Variants in DLG2 observed in about 807,000 individuals in gnomAD.
DLG2 encodes discs large MAGUK scaffold protein 2, also known as disks large homolog 2.
A neutral mutation model predicts 132.5 loss-of-function variants in DLG2; 45 were observed. The ratio of observed to expected loss-of-function variants is 0.34; its 90% confidence interval spans 0.27 to 0.44. The LOEUF (loss-of-function observed/expected upper bound fraction) is 0.44. Among genes scored for constraint, DLG2 ranks in the 20% least tolerant of loss-of-function variants. The probability of loss-of-function intolerance (pLI) is 1.00; values close to 1 mark genes in which losing one functional copy is unlikely to be tolerated. For synonymous variants in DLG2, 424 were observed against 419.6 expected (o/e 1.01, Z -0.13); for missense variants, 1,045 against 1,196.9 (o/e 0.87, Z 1.87).
chr11:84,999,222 T>A (rs920997353), intron 6 of DLG2, among the ~76,000 whole-genome samples: 11 of 152,114 alleles, frequency 7.2e-5, no homozygotes, highest in African/African-American at 2.7e-4. Flanking sequence ...TGAAAGGGCA[T>A]CCTACATTAC....
At chr11:84,608,418 A>G (rs2099589581) in intron 6 of DLG2, among the ~76,000 whole-genome samples, 1 of 152,166 alleles carries the variant, frequency 6.6e-6, no homozygotes, top group South Asian at 2.1e-4. Context: ...CTCTTCACAC[A>G]CTTATCTGCT....
chr11:83,727,062 T>A (rs911620701), intron 18 of DLG2, among the ~76,000 whole-genome samples: 23 of 152,190 alleles, frequency 1.5e-4, no homozygotes, highest in African/African-American at 5.3e-4. Flanking sequence ...GACTCTCCAA[T>A]TCCTCTGCTC....
intron 6 of DLG2, among the ~76,000 whole-genome samples, chr11:84,637,323 C>T (rs1355696515): frequency 2.0e-5 from 3 of 152,174 alleles, no homozygotes; most frequent in East Asian, 1.9e-4. Flanking sequence ...ACCCACCACA[C>T]GATGTGTATC....
chr11:83,675,982 G>T (rs556902111), intron 18 of DLG2, among the ~76,000 whole-genome samples: 2 of 152,284 alleles, frequency 1.3e-5, no homozygotes, highest in East Asian at 3.9e-4. Flanking sequence ...CATTTCACAA[G>T]TTATAGATGG....
At chr11:84,963,486 C>A (rs561007395) in intron 6 of DLG2, among the ~76,000 whole-genome samples, 9 of 152,242 alleles carry the variant, frequency 5.9e-5, no homozygotes, top group African/African-American at 2.2e-4. Context: ...AACTCTGATA[C>A]CATTATTCAT....
intron 7 of DLG2, among the ~76,000 whole-genome samples, chr11:84,516,565 G>GTA (rs1302907416): frequency 6.6e-6 from 1 of 151,484 alleles, no homozygotes; most frequent in Non-Finnish European, 1.5e-5. Flanking sequence ...GATTGAATCA[G>GTA]TATAAAGTCT....
chr11:84,304,176 C>A (rs141312024), intron 7 of DLG2, among the ~76,000 whole-genome samples: 1 of 152,044 alleles, frequency 6.6e-6, no homozygotes, highest in Non-Finnish European at 1.5e-5. Flanking sequence ...TAAGTCTTGG[C>A]CCCAAATCAT....
chr11:84,456,181 T>G (rs2099064885), intron 7 of DLG2, among the ~76,000 whole-genome samples: 1 of 151,252 alleles, frequency 6.6e-6, no homozygotes, highest in Non-Finnish European at 1.5e-5. Flanking sequence ...GGACCAAATT[T>G]TTAATAAATG....
At chr11:85,122,685 C>T (rs1393550599) in intron 5 of DLG2, among the ~76,000 whole-genome samples, 1 of 151,782 alleles carries the variant, frequency 6.6e-6, no homozygotes. Context: ...GGACTAAGAT[C>T]CTGCATTTCC....
intron 6 of DLG2, among the ~76,000 whole-genome samples, chr11:85,095,565 T>C (rs2069594262): frequency 1.3e-5 from 2 of 152,174 alleles, no homozygotes; most frequent in Non-Finnish European, 2.9e-5. Context: ...AAAAATACTT[T>C]CCTTGACCTA....
chr11:85,532,071 T>G (rs2075249491), intron 3 of DLG2, among the ~76,000 whole-genome samples: 1 of 152,140 alleles, frequency 6.6e-6, no homozygotes, highest in Admixed American at 6.5e-5. Context: ...TACATTTAGG[T>G]ATAGTTTATA....
rs1261700979 is a variant in DLG2 at position 85,394,070 on chromosome 11, G to A, written c.41-108705C>T. On this transcript the variant is annotated intron_variant, in intron 3 of 27. Coordinates refer to ENST00000376104, the MANE Select transcript of DLG2 (RefSeq NM_001142699.3). ...AAAAAACCTATTGAAATATTTTCAA[G>A]TGGAAAATCTAGAAAAAAGAATCTA... Among the ~76,000 whole-genome samples the A allele has an allele frequency of 3.3e-5, 5 of 152,082 alleles. No individual in the cohort carries two copies. In the South Asian group the frequency reaches 6.2e-4, roughly 19 times the overall value.
intron 18 of DLG2, among the ~76,000 whole-genome samples, chr11:83,658,326 T>C (rs1458030269): frequency 6.6e-6 from 1 of 152,232 alleles, no homozygotes; most frequent in African/African-American, 2.4e-5. Context: ...TTTACTGTAA[T>C]AATCTAAATC....
chr11:84,190,897 T>C (rs1312789781), intron 8 of DLG2, among the ~76,000 whole-genome samples: 1 of 152,198 alleles, frequency 6.6e-6, no homozygotes, highest in Admixed American at 6.5e-5. Flanking sequence ...TACTAGTTTA[T>C]TGATAAAGAG....
At chr11:84,252,553 A>G (rs2097400682) in intron 7 of DLG2, among the ~76,000 whole-genome samples, 1 of 152,112 alleles carries the variant, frequency 6.6e-6, no homozygotes, top group Non-Finnish European at 1.5e-5. Context: ...TTTTTTAAAA[A>G]AATTGTACGA....
At chr11:84,082,010 C>A (rs956041163) in intron 10 of DLG2, among the ~76,000 whole-genome samples, 3 of 152,126 alleles carry the variant, frequency 2.0e-5, no homozygotes, top group African/African-American at 7.2e-5. Context: ...TTAATGATCT[C>A]CTTTCTAACT....
chr11:83,460,973 TGGTAATCCA>T (rs2089821973), intron 27 of DLG2, among the ~76,000 whole-genome samples: 1 of 150,724 alleles, frequency 6.6e-6, no homozygotes, highest in African/African-American at 2.4e-5. Flanking sequence ...ACTTCACATA[TGGTAATCCA>T]GGAAGAAAGT....
At chr11:84,278,553 T>C (rs975455526) in intron 7 of DLG2, among the ~76,000 whole-genome samples, 1 of 151,892 alleles carries the variant, frequency 6.6e-6, no homozygotes, top group African/African-American at 2.4e-5. Flanking sequence ...CAATAAACCC[T>C]CATGAATATA....
chr11:84,482,149 G>A (rs1300508034), intron 7 of DLG2, among the ~76,000 whole-genome samples: 1 of 152,040 alleles, frequency 6.6e-6, no homozygotes, highest in Admixed American at 6.6e-5. Context: ...CTATTCTCCT[G>A]AAAAGAGAAT....
Sources: gnomAD v4.1 joint callset for allele counts (sites outside exome capture counted in the v4.1 genomes callset) on GRCh38, gnomAD v4.1.1 for gene constraint, MANE v1.5 for transcripts, NCBI Gene and HGNC (gene_info 2026-07-23, HGNC 2026-07-21) for gene names.